The following CHMP3 variants were observed in gnomAD, a reference collection of about 807,000 sequenced individuals.
The protein encoded by CHMP3 is 25.1 protein.
CHMP3 carries 8 observed loss-of-function variants against 27.4 expected under a neutral mutation model. That is an observed-to-expected ratio of 0.29 (90% CI 0.17 to 0.53). The LOEUF is 0.53. Among genes scored for constraint, CHMP3 ranks in the 20% least tolerant of loss-of-function variants. The probability of loss-of-function intolerance (pLI) is 0.96; values close to 1 mark genes in which losing one functional copy is unlikely to be tolerated. For synonymous variants in CHMP3, 86 were observed against 85.5 expected (o/e 1.01, Z -0.03); for missense variants, 208 against 271.5 (o/e 0.77, Z 1.64).
At chr2:86,507,358 G>A in intron 5 of CHMP3, 121 bp downstream of exon 5, 2 of 793,278 alleles carry the variant, frequency 2.5e-6, no homozygotes, top group Non-Finnish European at 4.2e-6. Flanking sequence ...GCTGCACAGT[G>A]TAAAACGTTA....
In CHMP3 at chr2:86,546,827, TG is replaced by T. The variant is rs1289471383; in HGVS notation, c.46-4516del. Among the ~76,000 whole-genome samples the T allele has an allele frequency of 2.0e-5, 3 of 152,244 alleles. No homozygotes were observed. In the East Asian group the frequency reaches 5.8e-4, roughly 29 times the overall value. On this transcript the variant is annotated intron_variant, in intron 1 of 5. Transcript: ENST00000263856. The stretch of plus-strand genomic sequence containing the variant: ...TCATATCTTCTGCCCATTTTTTAAT[TG>T]AGTTGTCTGTTTGTTGGGTTGTATG...
intron 1 of CHMP3, among the ~76,000 whole-genome samples, chr2:86,549,587 C>T (rs1216482438): frequency 6.8e-6 from 1 of 147,830 alleles, no homozygotes; most frequent in South Asian, 2.1e-4. Context: ...AGACGCCCCT[C>T]CCCTCCCAGA....
chr2:86,537,071 C>T (rs2103970045), intron 2 of CHMP3, among the ~76,000 whole-genome samples: 1 of 152,150 alleles, frequency 6.6e-6, no homozygotes, highest in Middle Eastern at 3.4e-3. Flanking sequence ...TGCCGTGTTG[C>T]CCAGGCTGGT....
chr2:86,523,707 C>A (rs961050755), intron 3 of CHMP3, among the ~76,000 whole-genome samples: 2 of 152,104 alleles, frequency 1.3e-5, no homozygotes, highest in Non-Finnish European at 2.9e-5. Context: ...CCCTCCCTCC[C>A]ACCTCTTTCT....
chr2:86,554,776 C>A (rs1336572925), intron 1 of CHMP3, among the ~76,000 whole-genome samples: 1 of 150,108 alleles, frequency 6.7e-6, no homozygotes, highest in Admixed American at 6.7e-5. Flanking sequence ...CACAAGGAAA[C>A]AATCTAGAAG....
In CHMP3 at chr2:86,545,843, A is replaced by G. The variant is rs1364041247; in HGVS notation, c.46-3531T>C. 2.1e-3 allele frequency among the ~76,000 whole-genome samples: 233 copies of G among 111,564 alleles called. 2 individuals carry two copies. Among genetic ancestry groups the G allele is most frequent in the Admixed American group, 3.1e-3 (35 of 11,188 alleles). 73.2% of individuals were successfully genotyped at this position (111,564 alleles called of 152,430 possible). Reference sequence around the variant, plus strand: ...CAGAGGCGCTCCTCACTTCCCAGACAGGGCGGCAGGGCAGAGGCGCTCCTC... The same window carrying G: ...CAGAGGCGCTCCTCACTTCCCAGACGGGGCGGCAGGGCAGAGGCGCTCCTC... On this transcript the variant is annotated intron_variant, in intron 1 of 5. Coordinates refer to ENST00000263856, the MANE Select transcript of CHMP3 (RefSeq NM_016079.4).
intron 2 of CHMP3, among the ~76,000 whole-genome samples, chr2:86,540,287 C>T (rs1676311946): frequency 6.6e-6 from 1 of 152,094 alleles, no homozygotes; most frequent in Non-Finnish European, 1.5e-5. Context: ...TTCCTGACCC[C>T]TCTTCTCCTG....
intron 2 of CHMP3, among the ~76,000 whole-genome samples, chr2:86,534,710 T>C (rs1405521044): frequency 1.3e-5 from 2 of 152,218 alleles, no homozygotes; most frequent in Middle Eastern, 6.3e-3. Flanking sequence ...AATTAATATA[T>C]AATGTCCTTT....
chr2:86,545,001 C>T (rs1231993637), intron 1 of CHMP3, among the ~76,000 whole-genome samples: 2 of 123,742 alleles, frequency 1.6e-5, no homozygotes, highest in African/African-American at 5.9e-5. Flanking sequence ...GAAGGGCGGC[C>T]GGGCAGAGGC....
rs376633964 is a variant in CHMP3 at position 86,510,414 on chromosome 2, C to T, written c.352G>A (p.Val118Met). 6.2e-7 allele frequency: 1 copy of T among 1,614,010 alleles called. No homozygotes were observed. Among genetic ancestry groups the T allele is most frequent in the African/African-American group, 1.3e-5 (1 of 74,928 alleles). ...GTGGCCTGAATCTCTGGAATCTTCA[C>T]AAGACTTTGCATGGCCTTCATCACT... ...TEVMKAMQSL[V>M]KIPEIQATMR... The change falls in exon 4 of 6, where the codon GTG becomes ATG. Residue 118 changes from valine to methionine, a missense_variant. Coordinates refer to ENST00000263856, the MANE Select transcript of CHMP3 (RefSeq NM_016079.4).
chr2:86,550,451 G>GGA (rs1333046562), intron 1 of CHMP3, among the ~76,000 whole-genome samples: 15 of 151,198 alleles, frequency 9.9e-5, no homozygotes, highest in Non-Finnish European at 1.5e-5. Context: ...AAAGGGAGAG[G>GGA]GAGAGAGAGA....
intron 1 of CHMP3, among the ~76,000 whole-genome samples, chr2:86,546,309 G>T (rs974091248): frequency 7.0e-6 from 1 of 142,908 alleles, no homozygotes. Flanking sequence ...AGGTTGCAGC[G>T]AGCTGAGATC....
Position 86,529,333 on chromosome 2 carries a change from C to A in CHMP3, c.171G>T (p.Lys57Asn), listed in dbSNP as rs778806637. The A allele has an allele frequency of 5.0e-6, 8 of 1,612,202 alleles. No homozygotes were observed. The highest frequency in any genetic ancestry group is 3.4e-6 in the Non-Finnish European group (4 of 1,179,406). Residue 57 changes from lysine to asparagine, a missense_variant, in exon 3 of 6, where the codon AAG becomes AAT. Physicochemically the swap from Lys to Asn is moderately conservative, Grantham distance 94. This residue lies in a region of CHMP3 where 94 missense variants were observed against 159.6 expected (regional missense o/e 0.59). Transcript: ENST00000263856. ...CCTTGGCCAGAACTATGCAGACATC[C>A]TTCTGGCCCTTCTTGGCAGCATCTT... Reference protein sequence around the residue: ...SVKDAAKKGQKDVCIVLAKEM... With the variant: ...SVKDAAKKGQNDVCIVLAKEM...
intron 1 of CHMP3, among the ~76,000 whole-genome samples, chr2:86,544,234 G>C (rs952511334): frequency 6.6e-6 from 1 of 151,732 alleles, no homozygotes; most frequent in Non-Finnish European, 1.5e-5. Flanking sequence ...ACACCTTTTG[G>C]TTACCATTTC....
rs1186081684 is a variant in CHMP3 at position 86,504,121 on chromosome 2, G to A, written c.*1683C>T. 5 of 152,148 alleles carry A rather than the reference G, an allele frequency of 3.3e-5. No homozygotes were observed. In the East Asian group the frequency reaches 5.8e-4, roughly 18 times the overall value. 9.4% of individuals were successfully genotyped at this position (152,148 alleles called of 1,614,324 possible). A position where few individuals can be genotyped will look rare whatever the true frequency, so the allele number is the denominator to read the frequency against. ...TTAGGGAAGAAAGGGATGAACAGGT[G>A]AAGCATAGAGAAGTTTTAGGGCAGT... On this transcript the variant is annotated 3_prime_UTR_variant, in exon 6 of 6. Coordinates refer to ENST00000263856, the MANE Select transcript of CHMP3 (RefSeq NM_016079.4).
At chr2:86,529,692 A>C (rs1291322681) in intron 2 of CHMP3, among the ~76,000 whole-genome samples, 1 of 152,128 alleles carries the variant, frequency 6.6e-6, no homozygotes, top group Non-Finnish European at 1.5e-5. Context: ...TTGCTCCAAT[A>C]ATCAATAAGT....
At chr2:86,560,577 G>A (rs1222298896) in intron 1 of CHMP3, among the ~76,000 whole-genome samples, 2 of 151,932 alleles carry the variant, frequency 1.3e-5, no homozygotes, top group African/African-American at 2.4e-5. Context: ...GGGTTGGGGA[G>A]GGATAACATT....
At position 86,529,321 on chromosome 2, in the gene CHMP3, T is replaced by G. The variant is rs755118785; in HGVS notation, c.183A>C (p.Ile61=). 1 of 1,613,590 alleles carries G rather than the reference T, an allele frequency of 6.2e-7. No individual in the cohort carries two copies. The highest frequency in any genetic ancestry group is 8.5e-7 in the Non-Finnish European group (1 of 1,179,802). ...ACCTGATCATCTCCTTGGCCAGAAC[T>G]ATGCAGACATCCTTCTGGCCCTTCT... ...AAKKGQKDVC[I]VLAKEMIRSR... The change falls in exon 3 of 6, where the codon ATA becomes ATC. Residue 61 remains isoleucine, a synonymous_variant. Coordinates refer to ENST00000263856, the MANE Select transcript of CHMP3 (RefSeq NM_016079.4).
chr2:86,553,237 G>C (rs1211735841), intron 1 of CHMP3, among the ~76,000 whole-genome samples: 1 of 149,150 alleles, frequency 6.7e-6, no homozygotes, highest in East Asian at 1.9e-4. Context: ...ACAAGACATA[G>C]ACAAAACCAT....
Sources: gnomAD v4.1 joint callset for allele counts (sites outside exome capture counted in the v4.1 genomes callset) on GRCh38, gnomAD v4.1.1 for gene constraint, gnomAD v4.1.1 regional missense constraint, MANE v1.5 for transcripts, NCBI Gene and HGNC (gene_info 2026-07-23, HGNC 2026-07-21) for gene names.